Variants in PLCH1 observed in about 807,000 individuals in gnomAD.
PLCH1 encodes the protein 1-phosphatidylinositol 4,5-bisphosphate phosphodiesterase eta-1.
Under a neutral mutation model 126.7 loss-of-function variants are expected in PLCH1, and 60 were observed. That is an observed-to-expected ratio of 0.47 (90% CI 0.38 to 0.59). The LOEUF is 0.59. Among genes scored for constraint, PLCH1 ranks in the 20% least tolerant of loss-of-function variants. The pLI, the probability that PLCH1 is intolerant of heterozygous loss-of-function variation, is 0.00. For synonymous variants in PLCH1, 719 were observed against 734.9 expected (o/e 0.98, Z 0.35); for missense variants, 1,723 against 2,040.0 (o/e 0.84, Z 2.99).
chr3:155,504,800 T>C (rs1718418598), intron 12 of PLCH1, among the ~76,000 whole-genome samples, 174 bp from the exon 13 acceptor site: 3 of 152,194 alleles, frequency 2.0e-5, no homozygotes, highest in African/African-American at 7.2e-5. Flanking sequence ...CAAAGGTGGC[T>C]CTGCCTGCCT....
chr3:155,708,127 A>T (rs1386296587), intron 1 of PLCH1, among the ~76,000 whole-genome samples: 1 of 152,168 alleles, frequency 6.6e-6, no homozygotes, highest in Non-Finnish European at 1.5e-5. Flanking sequence ...ATCATCTGGG[A>T]AGCTTAAGAC....
intron 4 of PLCH1, among the ~76,000 whole-genome samples, chr3:155,592,751 T>C (rs1199263803): frequency 1.3e-5 from 2 of 152,202 alleles, no homozygotes; most frequent in African/African-American, 4.8e-5. Flanking sequence ...TTTAAGGCAC[T>C]GTTAGTACGG....
At chr3:155,583,885 T>C (rs1731026224) in intron 5 of PLCH1, among the ~76,000 whole-genome samples, 1 of 150,760 alleles carries the variant, frequency 6.6e-6, no homozygotes, top group South Asian at 2.1e-4. Flanking sequence ...TTCTGACCAC[T>C]GTAAATTTAT....
intron 21 of PLCH1, among the ~76,000 whole-genome samples, chr3:155,459,970 G>A (rs1712647272): frequency 6.6e-6 from 1 of 152,170 alleles, no homozygotes; most frequent in Non-Finnish European, 1.5e-5. Flanking sequence ...AAATTCTTGA[G>A]CCTCATCTCA....
intron 10 of PLCH1, among the ~76,000 whole-genome samples, chr3:155,524,497 A>T (rs1002927528): frequency 1.3e-5 from 2 of 152,248 alleles, no homozygotes; most frequent in African/African-American, 4.8e-5. Flanking sequence ...TTTTACTACA[A>T]TTAAAAATCA....
At chr3:155,674,630 A>C (rs1743907080) in intron 2 of PLCH1, among the ~76,000 whole-genome samples, 1 of 152,182 alleles carries the variant, frequency 6.6e-6, no homozygotes, top group Admixed American at 6.5e-5. Flanking sequence ...AAATAATAGA[A>C]AATCTATTAA....
intron 2 of PLCH1, among the ~76,000 whole-genome samples, chr3:155,687,563 G>C (rs1021746779): frequency 4.6e-5 from 7 of 152,080 alleles, no homozygotes; most frequent in African/African-American, 1.7e-4. Flanking sequence ...ATATAATTTA[G>C]GAGAAATGGT....
chr3:155,561,221 C>G (rs1223722799), intron 8 of PLCH1, among the ~76,000 whole-genome samples: 1 of 150,812 alleles, frequency 6.6e-6, no homozygotes, highest in South Asian at 2.1e-4. Context: ...CATGCTGGTG[C>G]GCTGCACCCA....
chr3:155,636,138 C>T (rs911920086), intron 2 of PLCH1, among the ~76,000 whole-genome samples: 12 of 152,116 alleles, frequency 7.9e-5, no homozygotes, highest in Non-Finnish European at 1.3e-4. Flanking sequence ...ATCTCACTGG[C>T]CAGCATTGTG....
At chr3:155,687,792 A>G (rs1003294871) in intron 2 of PLCH1, among the ~76,000 whole-genome samples, 3 of 152,186 alleles carry the variant, frequency 2.0e-5, no homozygotes, top group Non-Finnish European at 4.4e-5. Flanking sequence ...TCGGAACACT[A>G]TTATTTTTCT....
chr3:155,504,817 G>C (rs1489432299), intron 12 of PLCH1, among the ~76,000 whole-genome samples, 191 bp from the exon 13 acceptor site: 1 of 152,160 alleles, frequency 6.6e-6, no homozygotes, highest in Non-Finnish European at 1.5e-5. Context: ...GCCTTGGAAA[G>C]GGAAATATTG....
chr3:155,566,122 TG>T (rs1475727817), intron 7 of PLCH1, among the ~76,000 whole-genome samples: 1 of 139,176 alleles, frequency 7.2e-6, no homozygotes, highest in African/African-American at 2.8e-5. Flanking sequence ...CATATATATA[TG>T]TATATATACA....
intron 2 of PLCH1, among the ~76,000 whole-genome samples, chr3:155,694,167 T>A (rs1028878751): frequency 1.1e-4 from 17 of 152,088 alleles, no homozygotes; most frequent in Non-Finnish European, 1.8e-4. Flanking sequence ...TGAGAAAATA[T>A]GTATTGGTCA....
intron 10 of PLCH1, among the ~76,000 whole-genome samples, chr3:155,526,376 T>C (rs1331939821): frequency 6.6e-6 from 1 of 151,432 alleles, no homozygotes; most frequent in Admixed American, 6.6e-5. Context: ...TGGAGCTCTC[T>C]CTCTCTCTCT....
chr3:155,630,829 A>C (rs530258241), intron 2 of PLCH1, among the ~76,000 whole-genome samples: 1 of 152,332 alleles, frequency 6.6e-6, no homozygotes, highest in African/African-American at 2.4e-5. Context: ...TTACAAATAA[A>C]TACAGTTTTT....
At chr3:155,537,218 A>AAAAAAAAAAAAAAAAAAAAAAAAAAAC (rs1723535123) in intron 10 of PLCH1, among the ~76,000 whole-genome samples, 1 of 9,964 alleles carries the variant, frequency 1.0e-4, no homozygotes, top group East Asian at 1.0e-3. Context: ...AAAAAAAAAA[A>AAAAAAAAAAAAAAAAAAAAAAAAAAAC]AAAAAAAAAA....
At chr3:155,740,769 A>G (rs1308205984) in intron 1 of PLCH1, among the ~76,000 whole-genome samples, 3 of 152,236 alleles carry the variant, frequency 2.0e-5, no homozygotes. Flanking sequence ...CAACAAGATC[A>G]TTAGAAATCA....
At chr3:155,626,768 CAAAAAAAAAAA>C (rs71155058) in intron 2 of PLCH1, among the ~76,000 whole-genome samples, 19 of 49,650 alleles carry the variant, frequency 3.8e-4, no homozygotes, top group Admixed American at 2.4e-3. Flanking sequence ...GACTCCGTCT[CAAAAAAAAAAA>C]AAAAAAAAAA....
intron 4 of PLCH1, among the ~76,000 whole-genome samples, chr3:155,586,718 G>A (rs563888458): frequency 4.8e-4 from 73 of 152,086 alleles, no homozygotes; most frequent in Non-Finnish European, 7.9e-4. Flanking sequence ...AAAAAGGGGC[G>A]GGGGGTGGTT....
Sources: allele counts gnomAD v4.1 joint callset (sites outside exome capture counted in the v4.1 genomes callset), GRCh38; gene constraint gnomAD v4.1.1; transcripts MANE v1.5; gene names NCBI Gene and HGNC (gene_info 2026-07-23, HGNC 2026-07-21).